The following SLC4A11 variants were observed in gnomAD, a reference collection of about 807,000 sequenced individuals.
The protein encoded by SLC4A11 is solute carrier family 4 member 11, also known as bicarbonate transporter related protein 1.
A neutral mutation model predicts 95.0 loss-of-function variants in SLC4A11; 74 were observed. That is an observed-to-expected ratio of 0.78 (90% CI 0.65 to 0.95). The LOEUF is 0.95. Among genes scored for constraint, SLC4A11 ranks in the 40% least tolerant of loss-of-function variants. The pLI, the probability that SLC4A11 is intolerant of heterozygous loss-of-function variation, is 0.00. For synonymous variants in SLC4A11, 548 were observed against 519.0 expected (o/e 1.06, Z -0.76); for missense variants, 1,081 against 1,192.4 (o/e 0.91, Z 1.38).
In SLC4A11 at chr20:3,231,959, C is replaced by T. The variant is rs1429770550; in HGVS notation, c.730-411G>A. ...AGGCACGAGCCACTGTGCCCAGATG[C>T]TGGTAGCAGGTTTTATTCCACAAAG... On this transcript the variant is annotated intron_variant, in intron 7 of 19. Transcript: ENST00000642402. The surrounding 1 kb of genome is among the most constrained non-coding windows in gnomAD (Gnocchi z 5.2). Among the ~76,000 whole-genome samples, 1 of 152,202 alleles carries T rather than the reference C, an allele frequency of 6.6e-6. No individual in the cohort carries two copies. Among genetic ancestry groups the T allele is most frequent in the Non-Finnish European group, 1.5e-5 (1 of 68,028 alleles).
At position 3,228,305 on chromosome 20, in the gene SLC4A11, TG is replaced by T; in HGVS notation, c.2511del (p.Tyr837Ter). On this transcript the variant is annotated frameshift_variant, in exon 19 of 20. Coordinates refer to ENST00000642402, the MANE Select transcript of SLC4A11 (RefSeq NM_001174089.2). LOFTEE classifies it high-confidence loss of function. ...LCAFGMSSLP[Y>X]MKMIFPLIMI... is the part of the protein sequence containing the mutation. ...ATGATGAGGGGAAAGATCATCTTCA[TG>T]TAGGGCAGGGAGCTCATGCCGAAGG... 1 of 1,612,942 alleles carries T rather than the reference TG, an allele frequency of 6.2e-7. No individual in the cohort carries two copies. The highest frequency in any genetic ancestry group is 8.5e-7 in the Non-Finnish European group (1 of 1,179,906).
chr20:3,233,900 C>G (rs1445734947), intron 6 of SLC4A11, 21 bp downstream of exon 6: 4 of 1,611,396 alleles, frequency 2.5e-6, no homozygotes, highest in Non-Finnish European at 3.4e-6. Context: ...AGAAGGGGGG[C>G]CAAGTGGCCT....
rs545052586 is a variant in SLC4A11 at position 3,229,379 on chromosome 20, G to C, written c.1816C>G (p.Leu606Val). 5 of 1,613,344 alleles carry C rather than the reference G, an allele frequency of 3.1e-6. No individual in the cohort carries two copies. In the East Asian group the frequency reaches 8.9e-5, roughly 29 times the overall value. ...ALPIAVLAFS[L>V]ISSHGFREIE... Reference sequence around the variant, plus strand: ...TCCCGGAAGCCATGGGAGCTGATGAGGGAGAAGGCGAGCACCGCGATGGGC... The same window carrying C: ...TCCCGGAAGCCATGGGAGCTGATGACGGAGAAGGCGAGCACCGCGATGGGC... Residue 606 changes from leucine to valine, a missense_variant, in exon 15 of 20, where the codon CTC becomes GTC. By Grantham distance (32) the Leu-to-Val change is conservative. Transcript: ENST00000642402.
chr20:3,232,942 G>T (rs1427671185), intron 7 of SLC4A11, among the ~76,000 whole-genome samples: 1 of 152,128 alleles, frequency 6.6e-6, no homozygotes, highest in Non-Finnish European at 1.5e-5. Flanking sequence ...ATTTGTGGAG[G>T]TTCCCGCCAT....
chr20:3,229,701 G>T lies in SLC4A11; in HGVS notation c.1565C>A (p.Ser522Ter). 1 of 1,613,978 alleles carries T rather than the reference G, an allele frequency of 6.2e-7. No homozygotes were observed. Among genetic ancestry groups the T allele is most frequent in the Non-Finnish European group, 8.5e-7 (1 of 1,179,996 alleles). ...GGCGTTGAGGCTGGCGCCGAGGCCT[G>T]ACAGGCTGACAAGGGATGAAGTCCT... The part of the protein sequence containing the change: ...TKRTSSLVSL[S>*]GLGASLNASL... Residue 522 changes from serine (S) to a stop codon, truncating the protein, a stop_gained, in exon 14 of 20, where the codon TCA becomes TAA. Transcript: ENST00000642402. LOFTEE classifies it high-confidence loss of function.
intron 2 of SLC4A11, among the ~76,000 whole-genome samples, chr20:3,236,759 C>T (rs2067994900): frequency 6.6e-6 from 1 of 152,120 alleles, no homozygotes; most frequent in Non-Finnish European, 1.5e-5. Flanking sequence ...CCCACTAGTC[C>T]CCTCCACTGC....
At position 3,228,979 on chromosome 20, in the gene SLC4A11, AGGT is replaced by A; in HGVS notation, c.2048_2050del (p.Asp683_Leu684delinsVal). ...TGTGTTGATGATGGCGAGGAGCAGG[AGGT>A]CCCAGTGGTAGGCAGTGCCCTTCAC... On this transcript the variant is annotated inframe_deletion, in exon 17 of 20. Coordinates refer to ENST00000642402, the MANE Select transcript of SLC4A11 (RefSeq NM_001174089.2). 6.2e-7 allele frequency: 1 copy of A among 1,613,734 alleles called. No homozygotes were observed. The highest frequency in any genetic ancestry group is 8.5e-7 in the Non-Finnish European group (1 of 1,180,012).
chr20:3,237,766 A>T, intron 1 of SLC4A11, 178 bp from the exon 2 acceptor site: 3 of 1,612,122 alleles, frequency 1.9e-6, no homozygotes, highest in Non-Finnish European at 2.5e-6. Flanking sequence ...GCCCCATAGC[A>T]GGGGAAGCCA....
At position 3,235,309 on chromosome 20, in the gene SLC4A11, T is replaced by TCTCA. The variant is rs1318815472; in HGVS notation, c.89-416_89-415insTGAG. 2.2e-3 allele frequency among the ~76,000 whole-genome samples: 275 copies of TCTCA among 123,608 alleles called. 1 individual carries two copies. The highest frequency in any genetic ancestry group is 5.1e-3 in the African/African-American group (161 of 31,596). The allele number at this position is 123,608 out of a possible 152,430, so 81.1% of individuals were successfully genotyped here. ...CTCTCTCTCTCTCTCTCTCTCTCTCTCACACACACACACACACACACACAC... is the reference window on the plus strand; with the variant it reads ...CTCTCTCTCTCTCTCTCTCTCTCTCTCTCACACACACACACACACACACACACAC... On this transcript the variant is annotated intron_variant, in intron 2 of 19. Transcript: ENST00000642402.
Position 3,233,625 on chromosome 20 carries a change from C to T in SLC4A11, c.618G>A (p.Lys206=), listed in dbSNP as rs1443683297. 7 of 1,613,032 alleles carry T rather than the reference C, an allele frequency of 4.3e-6. No homozygotes were observed. The Admixed American group carries it at 8.3e-5, about 19-fold the overall frequency. Residue 206 remains lysine, a synonymous_variant, in exon 7 of 20, where the codon AAG becomes AAA. Coordinates refer to ENST00000642402, the MANE Select transcript of SLC4A11 (RefSeq NM_001174089.2). ...TGCACACGTGCCGCTTCTGTAGGGC[C>T]TTCATGGTACAGCTGGCAGGGGCGG... is the stretch of plus-strand genomic sequence containing the variant. The part of the protein sequence containing the change: ...QSWLCIICTM[K]ALQKRHVCIS...
chr20:3,229,902 T>A (rs1354345016), intron 13 of SLC4A11, 126 bp from the exon 14 acceptor site: 1 of 1,336,946 alleles, frequency 7.5e-7, no homozygotes, highest in African/African-American at 1.4e-5. Flanking sequence ...GACGTGCCCA[T>A]GCACCCACAC....
chr20:3,231,237 T>C lies in SLC4A11; in HGVS notation c.954A>G (p.Pro318=), dbSNP rs750907313. ...SLPAHRHPEP[P]KCKDFVPFGK... is the part of the protein sequence containing the mutation. ...CAAAAGGGACAAAGTCCTTGCACTT[T>C]GGGGGCTGGAGGAGAGGACAGAGCG... Residue 318 remains proline (P), a synonymous_variant, in exon 9 of 20, where the codon CCA becomes CCG. Coordinates refer to ENST00000642402, the MANE Select transcript of SLC4A11 (RefSeq NM_001174089.2). The surrounding 1 kb of genome is among the most constrained non-coding windows in gnomAD (Gnocchi z 5.2). 34 of 1,613,822 alleles carry C rather than the reference T, an allele frequency of 2.1e-5. No individual in the cohort carries two copies. The highest frequency in any genetic ancestry group is 2.8e-5 in the Non-Finnish European group (33 of 1,180,022).
intron 2 of SLC4A11, among the ~76,000 whole-genome samples, chr20:3,235,622 A>T (rs562393393): frequency 1.3e-5 from 2 of 151,754 alleles, no homozygotes; most frequent in Non-Finnish European, 2.9e-5. Context: ...GGGATGTGGG[A>T]CCCCAGAGGT....
chr20:3,232,530 A>C (rs535254725), intron 7 of SLC4A11, among the ~76,000 whole-genome samples: 1 of 152,188 alleles, frequency 6.6e-6, no homozygotes, highest in South Asian at 2.1e-4. Context: ...GTGAAACCCC[A>C]TCTCTACTAA....
chr20:3,234,744 G>A lies in SLC4A11; in HGVS notation c.239C>T (p.Thr80Ile). ...NVNLEMQATN[T>I]ENEATSGGCV... ...TGCCCCTGCTGCAGCCCCCATACCA[G>A]TGTTGGTGGCCTGCATCTCAAGGTT... Residue 80 changes from threonine to isoleucine, a missense_variant and splice_region_variant, in exon 3 of 20, where the codon ACT (threonine) becomes ATT (isoleucine). Around this residue, in one of 3 missense-constraint regions of SLC4A11, gnomAD observed 310 missense variants for 313.5 expected, o/e 0.99. Transcript: ENST00000642402. The surrounding 1 kb of genome is among the most constrained non-coding windows in gnomAD (Gnocchi z 5.8). 1 of 1,613,978 alleles carries A rather than the reference G, an allele frequency of 6.2e-7. No homozygotes were observed. The highest frequency in any genetic ancestry group is 1.1e-5 in the South Asian group (1 of 91,088).
At position 3,234,792 on chromosome 20, in the gene SLC4A11, C is replaced by T; in HGVS notation, c.191G>A (p.Ser64Asn). Reference protein sequence around the residue: ...TANSSIVSGESIRFFVNVNLE... With the variant: ...TANSSIVSGENIRFFVNVNLE... ...GTTGACATTGACAAAAAAACGGATA[C>T]TCTCGCCAGACACGATGGAGGAGTT... The change falls in exon 3 of 20, where the codon AGT becomes AAT. Residue 64 changes from serine to asparagine, a missense_variant. Physicochemically the swap from Ser to Asn is conservative, Grantham distance 46. Coordinates refer to ENST00000642402, the MANE Select transcript of SLC4A11 (RefSeq NM_001174089.2). The surrounding 1 kb of genome is among the most constrained non-coding windows in gnomAD (Gnocchi z 5.8). The T allele has an allele frequency of 1.2e-6, 2 of 1,614,058 alleles. No individual in the cohort carries two copies. Among genetic ancestry groups the T allele is most frequent in the Non-Finnish European group, 1.7e-6 (2 of 1,180,028 alleles).
chr20:3,233,851 G>T, intron 6 of SLC4A11, 70 bp downstream of exon 6: 1 of 1,574,130 alleles, frequency 6.4e-7, no homozygotes, highest in South Asian at 1.1e-5. Context: ...GGCCTCTGCA[G>T]GGCACAGGGG....
intron 2 of SLC4A11, 142 bp from the exon 3 acceptor site, chr20:3,235,036 G>A (rs772517238): frequency 1.3e-4 from 124 of 978,402 alleles, no homozygotes; most frequent in Non-Finnish European, 1.8e-4. Context: ...AGGCGAGGAA[G>A]GCAGCTTCTA....
chr20:3,238,079 C>T (rs2068044205), intron 1 of SLC4A11: 1 of 1,468,290 alleles, frequency 6.8e-7, no homozygotes, highest in African/African-American at 1.4e-5. Flanking sequence ...GGCGCAGTTC[C>T]CCCGACCCCC....
Sources: gnomAD v4.1 joint callset for allele counts (sites outside exome capture counted in the v4.1 genomes callset) on GRCh38, gnomAD v4.1.1 for gene constraint, gnomAD v4.1.1 regional missense constraint, Gnocchi (gnomAD v3.1) non-coding constraint, MANE v1.5 for transcripts, NCBI Gene and HGNC (gene_info 2026-07-23, HGNC 2026-07-21) for gene names.